Variants in MAPKAP1 observed in about 807,000 individuals in gnomAD.
MAPKAP1 encodes the protein MAPK associated protein 1, also known as target of rapamycin complex 2 subunit MAPKAP1.
In MAPKAP1, 20 loss-of-function variants were observed where a neutral mutation model predicts 65.7. The ratio of observed to expected loss-of-function variants is 0.30; its 90% CI spans 0.21 to 0.44. The LOEUF is 0.44. MAPKAP1 is among the 20% of genes least tolerant of loss of function. The pLI is 1.00. For missense variants in MAPKAP1, 423 were observed against 648.0 expected (o/e 0.65, Z 3.77); for synonymous variants, 222 against 244.3 (o/e 0.91, Z 0.85).
chr9:125,571,899 A>C (rs1831245248), intron 5 of MAPKAP1, among the ~76,000 whole-genome samples: 1 of 152,094 alleles, frequency 6.6e-6, no homozygotes, highest in African/African-American at 2.4e-5. Context: ...TATCCTGCTG[A>C]TCCTTTGTTT....
intron 4 of MAPKAP1, among the ~76,000 whole-genome samples, chr9:125,636,210 T>C (rs1295065694): frequency 6.6e-6 from 1 of 152,138 alleles, no homozygotes; most frequent in Non-Finnish European, 1.5e-5. Context: ...TGAGCACAAC[T>C]GTGGACCAAG....
At chr9:125,484,313 A>T in intron 9 of MAPKAP1, 130 bp downstream of exon 9, 1 of 979,992 alleles carries the variant, frequency 1.0e-6, no homozygotes, top group Non-Finnish European at 1.4e-6. Flanking sequence ...TCCATTGTTT[A>T]AACATTTTCT....
At chr9:125,564,936 G>A (rs528109348) in intron 5 of MAPKAP1, among the ~76,000 whole-genome samples, 1 of 152,254 alleles carries the variant, frequency 6.6e-6, no homozygotes, top group South Asian at 2.1e-4. Context: ...CACAGGAAGA[G>A]ACTTAATTTT....
intron 10 of MAPKAP1, among the ~76,000 whole-genome samples, chr9:125,462,768 T>A (rs983276254): frequency 1.3e-5 from 2 of 152,232 alleles, no homozygotes; most frequent in African/African-American, 4.8e-5. Context: ...GAAAACTGGA[T>A]ACTGAATTAA....
chr9:125,453,177 C>G (rs1468319928), intron 10 of MAPKAP1, among the ~76,000 whole-genome samples: 6 of 152,192 alleles, frequency 3.9e-5, no homozygotes, highest in Non-Finnish European at 7.3e-5. Context: ...CCTGCCTCAG[C>G]CTTCTGAGTA....
intron 10 of MAPKAP1, 27 bp from the exon 11 acceptor site, chr9:125,444,625 G>T (rs770664374): frequency 6.5e-7 from 1 of 1,547,870 alleles, no homozygotes; most frequent in African/African-American, 1.4e-5. Flanking sequence ...CTGTGTTGAG[G>T]GGTTCTGGTG....
chr9:125,660,827 C>T (rs535654956), intron 3 of MAPKAP1, among the ~76,000 whole-genome samples: 1 of 152,292 alleles, frequency 6.6e-6, no homozygotes, highest in African/African-American at 2.4e-5. Flanking sequence ...GCCTCCTCAC[C>T]CCAACCCTTG....
intron 9 of MAPKAP1, among the ~76,000 whole-genome samples, chr9:125,480,844 C>T (rs1267892880): frequency 1.3e-5 from 2 of 151,632 alleles, no homozygotes; most frequent in Non-Finnish European, 2.9e-5. Flanking sequence ...TGGTGGCAGG[C>T]GCCTGTAGTC....
intron 7 of MAPKAP1, among the ~76,000 whole-genome samples, chr9:125,533,905 G>C (rs1830003244): frequency 1.3e-5 from 2 of 152,094 alleles, no homozygotes; most frequent in Non-Finnish European, 2.9e-5. Context: ...TGAAAATTTG[G>C]AAATAATCTA....
intron 1 of MAPKAP1, among the ~76,000 whole-genome samples, chr9:125,683,746 T>C (rs1020573519): frequency 6.6e-6 from 1 of 152,202 alleles, no homozygotes; most frequent in South Asian, 2.1e-4. Flanking sequence ...TAAATTCATA[T>C]CGTTTTAAGC....
intron 10 of MAPKAP1, among the ~76,000 whole-genome samples, chr9:125,450,360 C>G (rs1382337473): frequency 6.6e-6 from 1 of 152,214 alleles, no homozygotes; most frequent in African/African-American, 2.4e-5. Context: ...AACACTAGCA[C>G]AATGCCATTC....
At chr9:125,697,918 AAC>A (rs1383912223) in intron 1 of MAPKAP1, among the ~76,000 whole-genome samples, 3 of 152,004 alleles carry the variant, frequency 2.0e-5, no homozygotes, top group African/African-American at 4.8e-5. Context: ...CCTATAATCA[AAC>A]ACTCTCACAA....
rs1455996478 is a variant in MAPKAP1, at chr9:125,439,030, C to G, written c.1444-18G>C. On this transcript the variant is annotated intron_variant, in intron 11 of 11. Transcript: ENST00000265960. The surrounding 1 kb of genome is among the most constrained non-coding windows in gnomAD (Gnocchi z 4.0). ...TAGTTAACCTAGAAACAAGAGCACA[C>G]AGCCCGGTCACCTTGCCAGCCGCTC... 6.2e-7 allele frequency: 1 copy of G among 1,611,280 alleles called. No homozygotes were observed. The highest frequency in any genetic ancestry group is 1.7e-5 in the Admixed American group (1 of 59,920).
At chr9:125,520,662 A>G (rs1179866395) in intron 7 of MAPKAP1, among the ~76,000 whole-genome samples, 2 of 152,178 alleles carry the variant, frequency 1.3e-5, no homozygotes, top group South Asian at 2.1e-4. Flanking sequence ...CAGCGTCCCT[A>G]CATTCCTAGG....
chr9:125,671,421 T>C (rs991024129), intron 2 of MAPKAP1, among the ~76,000 whole-genome samples: 1 of 152,206 alleles, frequency 6.6e-6, no homozygotes, highest in Non-Finnish European at 1.5e-5. Context: ...AAAATAAATA[T>C]GTAAGTATTT....
intron 1 of MAPKAP1, among the ~76,000 whole-genome samples, chr9:125,690,193 G>C (rs1248408044): frequency 1.3e-5 from 2 of 152,132 alleles, no homozygotes; most frequent in African/African-American, 4.8e-5. Flanking sequence ...AATGGAAGAA[G>C]TCATTTCCAA....
At chr9:125,630,507 C>T (rs972506745) in intron 4 of MAPKAP1, among the ~76,000 whole-genome samples, 8 of 152,192 alleles carry the variant, frequency 5.3e-5, no homozygotes, top group Non-Finnish European at 1.2e-4. Flanking sequence ...TTGTAAAACA[C>T]TATCTCTGGC....
chr9:125,472,530 C>T (rs543284797), intron 9 of MAPKAP1, among the ~76,000 whole-genome samples: 395 of 152,224 alleles, frequency 2.6e-3, no homozygotes, highest in African/African-American at 9.0e-3. Flanking sequence ...AAAGTTTTTG[C>T]GTAAAGTCAT....
intron 4 of MAPKAP1, among the ~76,000 whole-genome samples, chr9:125,625,258 A>ATAAAT (rs371821798): frequency 1.8e-5 from 2 of 110,744 alleles, no homozygotes; most frequent in African/African-American, 6.9e-5. Flanking sequence ...AAATAAATAA[A>ATAAAT]AAAAAAAAAA....
Sources: allele counts gnomAD v4.1 joint callset (sites outside exome capture counted in the v4.1 genomes callset), GRCh38; gene constraint gnomAD v4.1.1; non-coding constraint Gnocchi (gnomAD v3.1); transcripts MANE v1.5; gene names NCBI Gene and HGNC (gene_info 2026-07-23, HGNC 2026-07-21).